The following ATP5F1A variants were observed in gnomAD, a reference collection of about 807,000 sequenced individuals.
The protein encoded by ATP5F1A is ATP synthase F(1) complex subunit alpha, mitochondrial.
A neutral mutation model predicts 57.4 loss-of-function variants in ATP5F1A; 24 were observed. The ratio of observed to expected loss-of-function variants is 0.42; its 90% CI spans 0.30 to 0.59. The LOEUF (loss-of-function observed/expected upper bound fraction) is 0.59, where lower values mean the gene tolerates loss of function less well. ATP5F1A is among the 20% of genes least tolerant of loss of function. The probability of loss-of-function intolerance (pLI) is 0.19; values close to 1 mark genes in which losing one functional copy is unlikely to be tolerated. For missense variants in ATP5F1A, 494 were observed against 707.9 expected (o/e 0.70, Z 3.43); for synonymous variants, 251 against 255.5 (o/e 0.98, Z 0.17).
At chr18:46,085,924 ACTT>A (rs1331181547) in intron 10 of ATP5F1A, 186 bp downstream of exon 10, 6 of 689,766 alleles carry the variant, frequency 8.7e-6, no homozygotes, top group Admixed American at 3.5e-5. Context: ...TAAGAATGAA[ACTT>A]CGTCTCAAAA....
At chr18:46,098,334 T>C (rs947241712), upstream of ATP5F1A, 2 of 1,419,218 alleles carry the variant, frequency 1.4e-6, no homozygotes, top group East Asian at 2.7e-5. Flanking sequence ...CCGGCCCACC[T>C]GACCCGGAAG....
In ATP5F1A at chr18:46,088,053, A is replaced by C. The variant is rs563064129; in HGVS notation, c.799+56T>G. The stretch of plus-strand genomic sequence containing the variant: ...CTTCATTAAGTAGAAGCTATTCTAC[A>C]ATCAGCAGCAATGGGACTTAAGATA... On this transcript the variant is annotated intron_variant, in intron 6 of 11. Coordinates refer to ENST00000398752, the MANE Select transcript of ATP5F1A (RefSeq NM_004046.6). The C allele has an allele frequency of 3.5e-5, 54 of 1,559,100 alleles. No homozygotes were observed. The East Asian group carries it at 1.2e-3, about 33-fold the overall frequency.
At chr18:46,090,099 G>T in intron 3 of ATP5F1A, 103 bp from the exon 4 acceptor site, 3 of 908,470 alleles carry the variant, frequency 3.3e-6, no homozygotes, top group African/African-American at 1.7e-5. Flanking sequence ...GGGGGAAGCA[G>T]TATTGTCCTT....
Position 46,082,467 on chromosome 18 carries a change from C to A in ATP5F1A, c.*1815G>T, listed in dbSNP as rs1241424061. The A allele has an allele frequency of 2.7e-5, 4 of 149,100 alleles. No individual in the cohort carries two copies. Among genetic ancestry groups the A allele is most frequent in the Non-Finnish European group, 5.9e-5 (4 of 67,640 alleles). The allele number at this position is 149,100 out of a possible 1,614,324, so 9.2% of individuals were successfully genotyped here. A position where few individuals can be genotyped will look rare whatever the true frequency, so the allele number is the denominator to read the frequency against. On this transcript the variant is annotated 3_prime_UTR_variant, in exon 12 of 12. Coordinates refer to ENST00000398752, the MANE Select transcript of ATP5F1A (RefSeq NM_004046.6). ...GTGGGAGGCCAAGGCAGGCAGATCA[C>A]AAGGTCAGGAGTTCGAGACCAGCCT...
At chr18:46,090,711 C>T (rs1243121764) in intron 3 of ATP5F1A, among the ~76,000 whole-genome samples, 1 of 152,164 alleles carries the variant, frequency 6.6e-6, no homozygotes, top group Non-Finnish European at 1.5e-5. Flanking sequence ...ATACAGCATC[C>T]ACTAACCACA....
chr18:46,090,011 C>A lies in ATP5F1A; in HGVS notation c.310-15G>T. On this transcript the variant is annotated splice_polypyrimidine_tract_variant and intron_variant, in intron 3 of 11. Transcript: ENST00000398752. ...AAGGACATACCCTGCACAAAAGACACAATTGAACATCAATGAAGCTGAATG... is the reference window on the plus strand; with the variant it reads ...AAGGACATACCCTGCACAAAAGACAAAATTGAACATCAATGAAGCTGAATG... 1 of 1,395,454 alleles carries A rather than the reference C, an allele frequency of 7.2e-7. No individual in the cohort carries two copies. The highest frequency in any genetic ancestry group is 9.5e-7 in the Non-Finnish European group (1 of 1,055,084). The allele number at this position is 1,395,454 out of a possible 1,614,324, so 86.4% of individuals were successfully genotyped here. A position where few individuals can be genotyped will look rare whatever the true frequency, so the allele number is the denominator to read the frequency against.
upstream of ATP5F1A, among the ~76,000 whole-genome samples, chr18:46,099,789 A>G (rs927635456): frequency 4.6e-5 from 7 of 152,212 alleles, no homozygotes; most frequent in Admixed American, 4.6e-4. Flanking sequence ...GCTTACACCT[A>G]GAACCTGAAT....
At chr18:46,090,979 A>C (rs1910512906) in intron 3 of ATP5F1A, among the ~76,000 whole-genome samples, 1 of 152,246 alleles carries the variant, frequency 6.6e-6, no homozygotes, top group South Asian at 2.1e-4. Flanking sequence ...AATACTGTAC[A>C]CTGAAGATGC....
chr18:46,093,831 G>A lies in ATP5F1A; in HGVS notation c.139+1222C>T, dbSNP rs561344700. On this transcript the variant is annotated intron_variant, in intron 2 of 11. Transcript: ENST00000398752. ...AGAGTCTCAAAAAAAAGGAGGCCAC[G>A]CACAGTGCCTCATGTCTGTAATCCC... is the stretch of plus-strand genomic sequence containing the variant. Among the ~76,000 whole-genome samples, 144 of 150,814 alleles carry A rather than the reference G, an allele frequency of 9.5e-4. 1 individual carries two copies. The highest frequency in any genetic ancestry group is 3.7e-3 in the Middle Eastern group (1 of 270).
At chr18:46,102,369 G>C (rs1489996668), upstream of ATP5F1A, among the ~76,000 whole-genome samples, 1 of 151,880 alleles carries the variant, frequency 6.6e-6, no homozygotes, top group African/African-American at 2.4e-5. Flanking sequence ...TGTCGCCCAG[G>C]CTGGAGTGCA....
At chr18:46,103,533 AGAGGTGGCAGT>A (rs1254050161) in intron 1 of ATP5F1A, among the ~76,000 whole-genome samples, 1 of 144,592 alleles carries the variant, frequency 6.9e-6, no homozygotes, top group African/African-American at 2.6e-5. Flanking sequence ...CCCGGGAAGC[AGAGGTGGCAGT>A]GAGCTGAGAG....
At chr18:46,101,349 G>A (rs934429220), upstream of ATP5F1A, among the ~76,000 whole-genome samples, 6 of 151,866 alleles carry the variant, frequency 4.0e-5, no homozygotes, top group Non-Finnish European at 5.9e-5. Context: ...CAGATCGCCT[G>A]AGGTCAGGAG....
rs1910562357 is a variant in ATP5F1A at position 46,091,707 on chromosome 18, A to G, written c.284T>C (p.Met95Thr). ...HGLRNVQAEE[M>T]VEFSSGLKGM... Reference sequence around the variant, plus strand: ...CTTTAAGCCTGAAGAAAACTCTACCATTTCTTCTGCTTGAACATTCCTCAG... The same window carrying G: ...CTTTAAGCCTGAAGAAAACTCTACCGTTTCTTCTGCTTGAACATTCCTCAG... The change falls in exon 3 of 12, where the codon ATG (methionine) becomes ACG (threonine). Residue 95 changes from methionine to threonine, a missense_variant. This residue lies in a region of ATP5F1A where 142 missense variants were observed against 137.5 expected (regional missense o/e 1.03). Coordinates refer to ENST00000398752, the MANE Select transcript of ATP5F1A (RefSeq NM_004046.6). 3 of 1,607,442 alleles carry G rather than the reference A, an allele frequency of 1.9e-6. No homozygotes were observed. The highest frequency in any genetic ancestry group is 2.5e-6 in the Non-Finnish European group (3 of 1,177,918).
At position 46,086,432 on chromosome 18, in the gene ATP5F1A, A is replaced by G. The variant is rs768487848; in HGVS notation, c.1239T>C (p.Ser413=). The change falls in exon 9 of 12, where the codon TCT becomes TCC. Residue 413 remains serine, a synonymous_variant. Coordinates refer to ENST00000398752, the MANE Select transcript of ATP5F1A (RefSeq NM_004046.6). ...GIRPAINVGL[S]VSRVGSAAQT... is the part of the protein sequence containing the mutation. ...GGGCAGCGGATCCGACACGAGATAC[A>G]GACAGACCAACGTTAATTGCAGGGC... is the stretch of plus-strand genomic sequence containing the variant. 2.5e-6 allele frequency: 4 copies of G among 1,614,202 alleles called. No individual in the cohort carries two copies. The highest frequency in any genetic ancestry group is 2.7e-5 in the African/African-American group (2 of 75,056).
chr18:46,092,150 C>G (rs568924763), intron 2 of ATP5F1A: 1 of 154,546 alleles, frequency 6.5e-6, no homozygotes, highest in Non-Finnish European at 1.4e-5. Context: ...GCACTCAAGC[C>G]TGGGTAACAA....
At position 46,096,374 on chromosome 18, in the gene ATP5F1A, CCTGTAATCCCAGCT is replaced by C. The variant is rs1002967328; in HGVS notation, c.61-1257_61-1244del. ...AATTAGCTGGGCGTGGTGGCACATG[CCTGTAATCCCAGCT>C]ACTCGGGAAGCTGAGGCAGGAGAAT... is the stretch of plus-strand genomic sequence containing the variant. On this transcript the variant is annotated intron_variant, in intron 1 of 11. Transcript: ENST00000398752. Among the ~76,000 whole-genome samples, 92 of 151,834 alleles carry C rather than the reference CCTGTAATCCCAGCT, an allele frequency of 6.1e-4. No individual in the cohort carries two copies. The Middle Eastern group carries it at 0.01, about 17-fold the overall frequency.
chr18:46,096,737 T>C (rs969254937), intron 1 of ATP5F1A, among the ~76,000 whole-genome samples: 2 of 151,020 alleles, frequency 1.3e-5, no homozygotes, highest in Admixed American at 1.3e-4. Flanking sequence ...ATCCCAGCAC[T>C]TCAGAAGGCC....
intron 8 of ATP5F1A, 60 bp downstream of exon 8, chr18:46,086,948 C>T: frequency 6.4e-7 from 1 of 1,552,676 alleles, no homozygotes; most frequent in Non-Finnish European, 8.8e-7. Flanking sequence ...TTAGTCTCAA[C>T]CAATGCCTTA....
intron 2 of ATP5F1A, among the ~76,000 whole-genome samples, chr18:46,092,782 T>G (rs979170872): frequency 2.6e-5 from 4 of 152,130 alleles, no homozygotes; most frequent in African/African-American, 9.7e-5. Flanking sequence ...ATGTTCTCCT[T>G]TAATTTCTAA....
Sources: allele counts gnomAD v4.1 joint callset (sites outside exome capture counted in the v4.1 genomes callset), GRCh38; gene constraint gnomAD v4.1.1; regional missense constraint gnomAD v4.1.1; transcripts MANE v1.5; gene names NCBI Gene and HGNC (gene_info 2026-07-23, HGNC 2026-07-21).